The following TANC1 variants were observed in gnomAD, a reference collection of about 807,000 sequenced individuals.
The protein encoded by TANC1 is protein TANC1.
Under a neutral mutation model 149.7 loss-of-function variants are expected in TANC1, and 77 were observed. The observed-to-expected ratio is 0.51, with a 90% CI of 0.43 to 0.62. TANC1 has a LOEUF of 0.62. Among genes scored for constraint, TANC1 ranks in the 20% least tolerant of loss-of-function variants. The probability of loss-of-function intolerance (pLI) is 0.00; values close to 1 mark genes in which losing one functional copy is unlikely to be tolerated. For missense variants in TANC1, 1,985 were observed against 2,321.8 expected (o/e 0.85, Z 2.98); for synonymous variants, 854 against 925.0 (o/e 0.92, Z 1.39).
At chr2:159,169,407 T>C in intron 9 of TANC1, 35 bp downstream of exon 9, 1 of 1,605,316 alleles carries the variant, frequency 6.2e-7, no homozygotes, top group South Asian at 1.1e-5. Flanking sequence ...ATAATGGTTA[T>C]GACTAACTCA....
At chr2:159,130,324 G>A (rs1197593799) in intron 4 of TANC1, among the ~76,000 whole-genome samples, 2 of 152,110 alleles carry the variant, frequency 1.3e-5, no homozygotes, top group Non-Finnish European at 2.9e-5. Flanking sequence ...AGTAAAAGGG[G>A]GAAGTTAAAA....
intron 7 of TANC1, among the ~76,000 whole-genome samples, chr2:159,154,117 G>C (rs983052138): frequency 2.0e-5 from 3 of 152,130 alleles, no homozygotes; most frequent in Non-Finnish European, 2.9e-5. Context: ...AGGCTTTGGG[G>C]GTGGACTGTT....
At chr2:158,994,007 A>C (rs1328218923) in intron 1 of TANC1, among the ~76,000 whole-genome samples, 1 of 152,168 alleles carries the variant, frequency 6.6e-6, no homozygotes, top group Admixed American at 6.5e-5. Context: ...AACCTTTCTC[A>C]TTGTTTGGAC....
intron 3 of TANC1, 24 bp from the exon 4 acceptor site, chr2:159,097,613 C>A (rs1053296655): frequency 3.8e-6 from 6 of 1,582,684 alleles, no homozygotes; most frequent in African/African-American, 1.3e-5. Flanking sequence ...ATGGTTTAAC[C>A]TAAGTATTCT....
intron 1 of TANC1, among the ~76,000 whole-genome samples, chr2:158,987,089 C>T (rs1447010258): frequency 6.6e-6 from 1 of 151,020 alleles, no homozygotes; most frequent in Non-Finnish European, 1.5e-5. Flanking sequence ...TTGTGGGTGC[C>T]TGTGATACTA....
intron 2 of TANC1, among the ~76,000 whole-genome samples, chr2:159,022,044 A>C (rs146031013): frequency 2.0e-4 from 31 of 152,334 alleles, no homozygotes; most frequent in African/African-American, 6.7e-4. Context: ...CTGTGGAAAA[A>C]AAGAGCTCTG....
Position 159,203,209 on chromosome 2 carries a change from C to CTTTT in TANC1, c.3244+4169_3244+4172dup, listed in dbSNP as rs56319016. ...ATCTTATTCGATAGGCTTTTCTTTTCTTTTTTTTTTTTTTTTGAGATGGAG... is the reference window on the plus strand; with the variant it reads ...ATCTTATTCGATAGGCTTTTCTTTTCTTTTTTTTTTTTTTTTTTTTGAGATGGAG... On this transcript the variant is annotated intron_variant, in intron 19 of 26. Coordinates refer to ENST00000263635, the MANE Select transcript of TANC1 (RefSeq NM_033394.3). Among the ~76,000 whole-genome samples the CTTTT allele has an allele frequency of 2.0e-5, 2 of 101,660 alleles. 1 individual carries two copies. The allele number at this position is 101,660 out of a possible 152,430, so 66.7% of individuals were successfully genotyped here.
rs2032308792 is a variant in TANC1, at chr2:158,968,676, T to G, written c.-232T>G. 6.6e-6 allele frequency: 1 copy of G among 152,280 alleles called. No homozygotes were observed. Among genetic ancestry groups the G allele is most frequent in the African/African-American group, 2.4e-5 (1 of 41,404 alleles). 9.4% of individuals were successfully genotyped at this position (152,280 alleles called of 1,614,324 possible). On this transcript the variant is annotated 5_prime_UTR_variant, in exon 1 of 27. Transcript: ENST00000263635. The stretch of plus-strand genomic sequence containing the variant: ...GGCAGCTGCTGGAGCGGCGGCCGCC[T>G]CGGGAGCCGGAGGAGAGGCAGCCGC...
chr2:159,124,698 G>T (rs2049210540), intron 4 of TANC1, among the ~76,000 whole-genome samples: 1 of 151,848 alleles, frequency 6.6e-6, no homozygotes, highest in Non-Finnish European at 1.5e-5. Context: ...ATTGTTTGTA[G>T]CTATTTTCTT....
intron 4 of TANC1, among the ~76,000 whole-genome samples, chr2:159,127,697 A>G (rs1405733778): frequency 6.6e-6 from 1 of 151,132 alleles, no homozygotes; most frequent in African/African-American, 2.4e-5. Context: ...AACAACACAT[A>G]CCGGGGCCCG....
At chr2:158,987,613 A>G (rs1187234615) in intron 1 of TANC1, among the ~76,000 whole-genome samples, 18 of 152,200 alleles carry the variant, frequency 1.2e-4, no homozygotes, top group Admixed American at 1.2e-3. Context: ...AGTCCTAACC[A>G]GCCTAGGTTC....
chr2:159,099,733 A>C (rs1161595008), intron 4 of TANC1, among the ~76,000 whole-genome samples: 2 of 142,872 alleles, frequency 1.4e-5, no homozygotes, highest in Non-Finnish European at 3.0e-5. Flanking sequence ...GGTCACCCTG[A>C]CCTGTCTTTA....
intron 7 of TANC1, among the ~76,000 whole-genome samples, chr2:159,155,432 A>G (rs985500392): frequency 6.6e-6 from 1 of 152,102 alleles, no homozygotes; most frequent in African/African-American, 2.4e-5. Flanking sequence ...TCTCCGGAGC[A>G]TTTTTGTAGT....
chr2:159,206,450 G>A (rs534577849), intron 19 of TANC1, among the ~76,000 whole-genome samples: 6 of 152,292 alleles, frequency 3.9e-5, no homozygotes, highest in Admixed American at 1.3e-4. Context: ...GCATGTCCCC[G>A]CCCTGTAGGG....
At chr2:158,972,226 A>C (rs1366326369) in intron 1 of TANC1, among the ~76,000 whole-genome samples, 1 of 152,232 alleles carries the variant, frequency 6.6e-6, no homozygotes, top group Non-Finnish European at 1.5e-5. Context: ...ATTCTTAAGG[A>C]AATCACTTCT....
chr2:159,159,691 CGTGTGTGTGTGTGT>C (rs371748384), intron 7 of TANC1, among the ~76,000 whole-genome samples: 1 of 117,956 alleles, frequency 8.5e-6, no homozygotes, highest in East Asian at 2.2e-4. Flanking sequence ...CATACACATA[CGTGTGTGTGTGTGT>C]GTGTGTGTGT....
intron 19 of TANC1, among the ~76,000 whole-genome samples, chr2:159,214,121 T>C (rs1216519187): frequency 8.1e-5 from 2 of 24,602 alleles, no homozygotes; most frequent in Non-Finnish European, 2.0e-4. Context: ...CAAGATCCTG[T>C]CTCAAAAAAA....
At chr2:159,044,269 A>C (rs904779713) in intron 2 of TANC1, among the ~76,000 whole-genome samples, 1 of 151,940 alleles carries the variant, frequency 6.6e-6, no homozygotes, top group African/African-American at 2.4e-5. Context: ...CTACCAAACC[A>C]AACAGAACAA....
chr2:159,032,613 G>T (rs752887542), intron 2 of TANC1, among the ~76,000 whole-genome samples: 1 of 152,058 alleles, frequency 6.6e-6, no homozygotes, highest in Admixed American at 6.6e-5. Context: ...CCTGTCAGTC[G>T]CAGCTTCTCA....
Sources: allele counts gnomAD v4.1 joint callset (sites outside exome capture counted in the v4.1 genomes callset), GRCh38; gene constraint gnomAD v4.1.1; transcripts MANE v1.5; gene names NCBI Gene and HGNC (gene_info 2026-07-23, HGNC 2026-07-21).